Variants in TAOK3 observed in about 807,000 individuals in gnomAD.
TAOK3 encodes the protein TAO kinase 3, also known as serine/threonine-protein kinase TAO3.
In TAOK3, 40 loss-of-function variants were observed where a neutral mutation model predicts 120.4. The observed-to-expected ratio is 0.33, with a 90% CI of 0.26 to 0.43. TAOK3 has a LOEUF of 0.43. Among genes scored for constraint, TAOK3 ranks in the 20% least tolerant of loss-of-function variants. The pLI, the probability that TAOK3 is intolerant of heterozygous loss-of-function variation, is 1.00. For missense variants in TAOK3, 821 were observed against 1,112.1 expected (o/e 0.74, Z 3.72); for synonymous variants, 355 against 387.5 (o/e 0.92, Z 0.99).
At chr12:118,195,117 A>T (rs1459068430) in intron 13 of TAOK3, among the ~76,000 whole-genome samples, 1 of 152,118 alleles carries the variant, frequency 6.6e-6, no homozygotes, top group Non-Finnish European at 1.5e-5. Flanking sequence ...GTGTTGTCCC[A>T]TTAAAAAAAA....
At chr12:118,325,415 T>C (rs1382273482) in intron 1 of TAOK3, among the ~76,000 whole-genome samples, 1 of 152,218 alleles carries the variant, frequency 6.6e-6, no homozygotes, top group Admixed American at 6.5e-5. Context: ...TGAAAGTCAT[T>C]TTAACTGGGA....
At chr12:118,286,298 T>A (rs1044394746) in intron 1 of TAOK3, among the ~76,000 whole-genome samples, 1 of 151,884 alleles carries the variant, frequency 6.6e-6, no homozygotes, top group African/African-American at 2.4e-5. Flanking sequence ...ACCTGCAGAG[T>A]GGGAGAAAAT....
Position 118,161,884 on chromosome 12 carries a change from C to T in TAOK3, c.2043G>A (p.Thr681=), listed in dbSNP as rs961683221. ...TGTACTCCAGCTGGTTTTCCAGTTC[C>T]GTCTGGTGCTGTAAACGGATCAGAT... The part of the protein sequence containing the change: ...RMDLIRLQHQ[T]ELENQLEYNK... The change falls in exon 18 of 21, where the codon ACG becomes ACA. Residue 681 remains threonine, a synonymous_variant. Coordinates refer to ENST00000392533, the MANE Select transcript of TAOK3 (RefSeq NM_016281.4). This position sits in a 1 kb window ranked among gnomAD's most constrained non-coding sequence, Gnocchi z 4.5. 13 of 1,613,930 alleles carry T rather than the reference C, an allele frequency of 8.1e-6. No individual in the cohort carries two copies. Among genetic ancestry groups the T allele is most frequent in the East Asian group, 2.2e-5 (1 of 44,878 alleles).
rs2035177459 is a variant in TAOK3 at position 118,160,914 on chromosome 12, TGA to T, written c.2140-558_2140-557del. On this transcript the variant is annotated intron_variant, in intron 18 of 20. Transcript: ENST00000392533. This position sits in a 1 kb window ranked among gnomAD's most constrained non-coding sequence, Gnocchi z 4.2. Reference sequence around the variant, plus strand: ...ATTTCTACTGGATTTCAGCGTAAACTGAGAGAGAAAAGTGATTTAGAATTTTT... The same window carrying T: ...ATTTCTACTGGATTTCAGCGTAAACTGAGAGAAAAGTGATTTAGAATTTTT... 1.3e-5 allele frequency among the ~76,000 whole-genome samples: 2 copies of T among 152,320 alleles called. No homozygotes were observed. The highest frequency in any genetic ancestry group is 1.5e-5 in the Non-Finnish European group (1 of 68,024).
chr12:118,152,100 G>T, intron 20 of TAOK3, 127 bp downstream of exon 20: 2 of 857,666 alleles, frequency 2.3e-6, no homozygotes, highest in Middle Eastern at 3.6e-4. Context: ...GGTACCAGTA[G>T]CATAAAGCAG....
intron 9 of TAOK3, among the ~76,000 whole-genome samples, chr12:118,227,591 T>C (rs2039569155): frequency 1.3e-5 from 2 of 152,192 alleles, no homozygotes; most frequent in Admixed American, 1.3e-4. Flanking sequence ...GTTATCTTAT[T>C]GAAGCCTGTA....
intron 11 of TAOK3, among the ~76,000 whole-genome samples, chr12:118,203,704 C>CAA (rs35135077): frequency 1.7e-3 from 217 of 127,090 alleles, no homozygotes; most frequent in South Asian, 8.1e-3. Flanking sequence ...AACTCCATCT[C>CAA]AAAAAAAAAA....
intron 1 of TAOK3, among the ~76,000 whole-genome samples, chr12:118,364,112 G>A (rs983509455): frequency 6.6e-6 from 1 of 151,842 alleles, no homozygotes; most frequent in Non-Finnish European, 1.5e-5. Flanking sequence ...CTCCAGCCTG[G>A]GCAACAAGAG....
chr12:118,308,736 CCTGA>C (rs2043143967), intron 1 of TAOK3, among the ~76,000 whole-genome samples: 1 of 151,766 alleles, frequency 6.6e-6, no homozygotes, highest in Non-Finnish European at 1.5e-5. Flanking sequence ...TTGAGACCAG[CCTGA>C]CTAACATGGT....
chr12:118,277,198 C>T (rs2041933140), intron 1 of TAOK3, among the ~76,000 whole-genome samples: 1 of 152,182 alleles, frequency 6.6e-6, no homozygotes, highest in South Asian at 2.1e-4. Flanking sequence ...ATGGAATGCT[C>T]ATTCACCATT....
At chr12:118,284,686 T>C (rs2042204818) in intron 1 of TAOK3, among the ~76,000 whole-genome samples, 1 of 152,094 alleles carries the variant, frequency 6.6e-6, no homozygotes, top group African/African-American at 2.4e-5. Flanking sequence ...AGGTCGGATC[T>C]GGGAGTCACT....
intron 1 of TAOK3, among the ~76,000 whole-genome samples, chr12:118,305,904 CAA>C (rs71450271): frequency 2.7e-4 from 16 of 58,364 alleles, no homozygotes; most frequent in East Asian, 4.9e-4. Context: ...GACTCCGTCT[CAA>C]AAAAAAAAAA....
At chr12:118,278,827 G>A (rs1301891907) in intron 1 of TAOK3, among the ~76,000 whole-genome samples, 1 of 151,982 alleles carries the variant, frequency 6.6e-6, no homozygotes, top group Non-Finnish European at 1.5e-5. Context: ...TATTTTTTGA[G>A]ATGCTGTCTT....
At chr12:118,329,256 A>C (rs747140522) in intron 1 of TAOK3, among the ~76,000 whole-genome samples, 2 of 152,188 alleles carry the variant, frequency 1.3e-5, no homozygotes, top group African/African-American at 2.4e-5. Flanking sequence ...TGTTTCCTGA[A>C]AGAAAAGGCA....
At chr12:118,265,394 GAAAAAAAAAA>G (rs35810306) in intron 2 of TAOK3, among the ~76,000 whole-genome samples, 2 of 68,600 alleles carry the variant, frequency 2.9e-5, no homozygotes, top group Non-Finnish European at 5.7e-5. Flanking sequence ...GTCTCAGGAA[GAAAAAAAAAA>G]AAAAAAAAAA....
chr12:118,345,800 A>G (rs2044832685), intron 1 of TAOK3, among the ~76,000 whole-genome samples: 1 of 152,178 alleles, frequency 6.6e-6, no homozygotes, highest in South Asian at 2.1e-4. Context: ...GGGGACAGAG[A>G]TATTGATTAA....
chr12:118,215,380 C>T (rs1593183906), intron 9 of TAOK3, among the ~76,000 whole-genome samples: 2 of 149,102 alleles, frequency 1.3e-5, no homozygotes, highest in African/African-American at 4.9e-5. Context: ...GGCATGGTGG[C>T]AGGCACCTGT....
At chr12:118,168,702 A>G (rs1432300221) in intron 17 of TAOK3, among the ~76,000 whole-genome samples, 1 of 152,214 alleles carries the variant, frequency 6.6e-6, no homozygotes, top group Non-Finnish European at 1.5e-5. Context: ...TCAACTGGCT[A>G]GAACCTAATA....
chr12:118,210,421 T>C (rs1450385817), intron 11 of TAOK3, among the ~76,000 whole-genome samples: 2 of 152,206 alleles, frequency 1.3e-5, no homozygotes, highest in East Asian at 3.8e-4. Context: ...TTTCTGGCTT[T>C]GACTGTTCCT....
Sources: gnomAD v4.1 joint callset for allele counts (sites outside exome capture counted in the v4.1 genomes callset) on GRCh38, gnomAD v4.1.1 for gene constraint, Gnocchi (gnomAD v3.1) non-coding constraint, MANE v1.5 for transcripts, NCBI Gene and HGNC (gene_info 2026-07-23, HGNC 2026-07-21) for gene names.